DUSP14: variants seen among roughly 807,000 people sequenced by gnomAD.
The protein encoded by DUSP14 is dual specificity phosphatase 14, also known as dual specificity protein phosphatase 14.
DUSP14 carries 5 observed loss-of-function variants against 13.2 expected under a neutral mutation model. That is an observed-to-expected ratio of 0.38 (90% CI 0.20 to 0.80). DUSP14 has a LOEUF of 0.80. Ranked by LOEUF, DUSP14 falls within the 30% of genes least tolerant of loss-of-function variation. The pLI is 0.44. For missense variants in DUSP14, 185 were observed against 264.0 expected, an observed-to-expected ratio of 0.70 and a Z score of 2.07; for synonymous variants, 91 against 103.4, an observed-to-expected ratio of 0.88 and a Z score of 0.73.
At chr17:37,501,965 G>A (rs1220207806) in intron 1 of DUSP14, among the ~76,000 whole-genome samples, 1 of 152,008 alleles carries the variant, frequency 6.6e-6, no homozygotes, top group African/African-American at 2.4e-5. Context: ...CAGTTGTTTC[G>A]TTCACTCAAT....
intron 1 of DUSP14, among the ~76,000 whole-genome samples, chr17:37,499,841 T>C (rs1262302305): frequency 1.3e-5 from 2 of 152,268 alleles, no homozygotes; most frequent in Non-Finnish European, 2.9e-5. Context: ...AGAAATGTTT[T>C]ACTAATTAGT....
chr17:37,501,223 C>T (rs1042939490), intron 1 of DUSP14, among the ~76,000 whole-genome samples: 3 of 152,198 alleles, frequency 2.0e-5, no homozygotes, highest in Non-Finnish European at 4.4e-5. Context: ...TGCCACAGGT[C>T]AGATGGGGCA....
In DUSP14 at chr17:37,513,068, A is replaced by T. The variant is rs1356471474; in HGVS notation, c.*199A>T. On this transcript the variant is annotated 3_prime_UTR_variant, in exon 3 of 3. Transcript: ENST00000617516. ...TGCATACATTGCTAGTCACATTTTTAAAATTAACATTTTGGAATAGTGTTT... is the reference window on the plus strand; with the variant it reads ...TGCATACATTGCTAGTCACATTTTTTAAATTAACATTTTGGAATAGTGTTT... 3.6e-6 allele frequency: 2 copies of T among 555,254 alleles called. No homozygotes were observed. Among genetic ancestry groups the T allele is most frequent in the Non-Finnish European group, 6.5e-6 (2 of 307,824 alleles). 34.4% of individuals were successfully genotyped at this position (555,254 alleles called of 1,614,324 possible).
At position 37,511,927 on chromosome 17, in the gene DUSP14, C is replaced by A. The variant is rs1332128636; in HGVS notation, c.-92-254C>A. ...TGAGCCACCATGCCCAGCCACCCCCCCCCCACCCCACTTTTTTTTTTTTTT... is the reference window on the plus strand; with the variant it reads ...TGAGCCACCATGCCCAGCCACCCCCACCCCACCCCACTTTTTTTTTTTTTT... On this transcript the variant is annotated intron_variant, in intron 2 of 2. Coordinates refer to ENST00000617516, the MANE Select transcript of DUSP14 (RefSeq NM_007026.4). Among the ~76,000 whole-genome samples, 9 of 54,630 alleles carry A rather than the reference C, an allele frequency of 1.6e-4. 1 individual carries two copies. The highest frequency in any genetic ancestry group is 5.0e-4 in the African/African-American group (8 of 15,862). The allele number at this position is 54,630 out of a possible 152,430, so 35.8% of individuals were successfully genotyped here.
intron 2 of DUSP14, 101 bp downstream of exon 2, chr17:37,510,865 G>A (rs1452611457): frequency 6.6e-6 from 1 of 152,020 alleles, no homozygotes; most frequent in African/African-American, 2.4e-5. Flanking sequence ...TGTGTGGGCA[G>A]GCGCACTTGC....
intron 2 of DUSP14, among the ~76,000 whole-genome samples, chr17:37,511,918 G>GC (rs1338286034): frequency 2.8e-4 from 13 of 46,098 alleles, no homozygotes; most frequent in South Asian, 6.5e-4. Context: ...ACCATGCCCA[G>GC]CCACCCCCCC....
At chr17:37,489,241 G>A (rs2054008350), upstream of DUSP14, among the ~76,000 whole-genome samples, 1 of 152,122 alleles carries the variant, frequency 6.6e-6, no homozygotes, top group Admixed American at 6.5e-5. Flanking sequence ...TCGGGAGGTG[G>A]GTGTGGGCTC....
intron 1 of DUSP14, among the ~76,000 whole-genome samples, chr17:37,506,254 G>A (rs1033987473): frequency 1.3e-5 from 2 of 151,784 alleles, no homozygotes; most frequent in African/African-American, 2.4e-5. Context: ...GACAGAGAGA[G>A]ACTCCATCTC....
intron 1 of DUSP14, among the ~76,000 whole-genome samples, chr17:37,503,571 C>T (rs2054118946): frequency 6.6e-6 from 1 of 152,214 alleles, no homozygotes; most frequent in African/African-American, 2.4e-5. Flanking sequence ...CAGTGAAAGA[C>T]TGTTGTGTAA....
chr17:37,489,316 C>T (rs1292149839), upstream of DUSP14, among the ~76,000 whole-genome samples: 1 of 152,056 alleles, frequency 6.6e-6, no homozygotes, highest in African/African-American at 2.4e-5. Context: ...GTTGCATGTT[C>T]ACCTCCGGGT....
In DUSP14 at chr17:37,512,334, A is replaced by C; in HGVS notation, c.62A>C (p.Glu21Ala). 1 of 1,613,970 alleles carries C rather than the reference A, an allele frequency of 6.2e-7. No individual in the cohort carries two copies. Among genetic ancestry groups the C allele is most frequent in the South Asian group, 1.1e-5 (1 of 91,070 alleles). Residue 21 changes from glutamate (E) to alanine (A), a missense_variant, in exon 3 of 3, where the codon GAG becomes GCG. Glu to Ala is a moderately radical substitution (Grantham distance 107, BLOSUM62 -1). Transcript: ENST00000617516. The surrounding 1 kb of genome is among the most constrained non-coding windows in gnomAD (Gnocchi z 4.8). Reference protein sequence around the residue: ...RTLMAPRMISEGDIGGIAQIT... With the variant: ...RTLMAPRMISAGDIGGIAQIT... ...CTCATGGCCCCTCGGATGATTTCCG[A>C]GGGAGACATAGGAGGCATTGCTCAA... is the stretch of plus-strand genomic sequence containing the variant.
At chr17:37,492,956 T>C (rs908587749) in intron 1 of DUSP14, among the ~76,000 whole-genome samples, 1 of 152,208 alleles carries the variant, frequency 6.6e-6, no homozygotes, top group Admixed American at 6.5e-5. Context: ...AAACTAAAAG[T>C]AGATACTCTT....
intron 1 of DUSP14, among the ~76,000 whole-genome samples, chr17:37,500,946 C>T (rs1463450838): frequency 6.6e-6 from 1 of 152,168 alleles, no homozygotes; most frequent in Non-Finnish European, 1.5e-5. Flanking sequence ...CCCTCCCCGC[C>T]CCAGCCAGTG....
rs2054014310 is a variant in DUSP14 at position 37,489,910 on chromosome 17, CAGG to C, written c.-224_-222del. On this transcript the variant is annotated 5_prime_UTR_variant, in exon 1 of 3. Coordinates refer to ENST00000617516, the MANE Select transcript of DUSP14 (RefSeq NM_007026.4). ...CAGCCCGCAGAAGCCGGTGGCCGCGCAGGAGGACGGAGCCCTAACCGCAACCCG... is the reference window on the plus strand; with the variant it reads ...CAGCCCGCAGAAGCCGGTGGCCGCGCAGGACGGAGCCCTAACCGCAACCCG... 6.9e-6 allele frequency: 1 copy of C among 145,152 alleles called. No individual in the cohort carries two copies. Among genetic ancestry groups the C allele is most frequent in the Non-Finnish European group, 1.5e-5 (1 of 65,828 alleles). The allele number at this position is 145,152 out of a possible 1,614,324, so 9.0% of individuals were successfully genotyped here. A position where few individuals can be genotyped will look rare whatever the true frequency, so the allele number is the denominator to read the frequency against.
At chr17:37,497,337 T>TTCACTGTG (rs1282600406) in intron 1 of DUSP14, among the ~76,000 whole-genome samples, 1 of 152,126 alleles carries the variant, frequency 6.6e-6, no homozygotes, top group African/African-American at 2.4e-5. Context: ...GAGATGGGGT[T>TTCACTGTG]TCACTGTGTT....
rs559116763 is a variant in DUSP14, at chr17:37,507,956, C to T, written c.-180-2721C>T. Among the ~76,000 whole-genome samples, 11 of 152,354 alleles carry T rather than the reference C, an allele frequency of 7.2e-5. 1 individual carries two copies. The South Asian group carries it at 2.3e-3, about 32-fold the overall frequency. On this transcript the variant is annotated intron_variant, in intron 1 of 2. Transcript: ENST00000617516. ...CTGCTCTGCTGTAGGAAAGGATGTT[C>T]TCAGAGTTTCTGCCCTGTTCATAGT...
Position 37,509,166 on chromosome 17 carries a change from CACTCTA to C in DUSP14, c.-180-1510_-180-1505del, listed in dbSNP as rs1379168758. Among the ~76,000 whole-genome samples, 190 of 49,486 alleles carry C rather than the reference CACTCTA, an allele frequency of 3.8e-3. 10 individuals are homozygous for C. Among genetic ancestry groups the C allele is most frequent in the South Asian group, 5.2e-3 (8 of 1,532 alleles). 32.5% of individuals were successfully genotyped at this position (49,486 alleles called of 152,430 possible). A position where few individuals can be genotyped will look rare whatever the true frequency, so the allele number is the denominator to read the frequency against. ...ACACACACACACACACACACACACACACTCTATATATATATGTACTATGTATATGTG... is the reference window on the plus strand; with the variant it reads ...ACACACACACACACACACACACACACTATATATATGTACTATGTATATGTG... On this transcript the variant is annotated intron_variant, in intron 1 of 2. Coordinates refer to ENST00000617516, the MANE Select transcript of DUSP14 (RefSeq NM_007026.4).
intron 1 of DUSP14, among the ~76,000 whole-genome samples, chr17:37,506,873 G>C (rs2054141330): frequency 1.3e-5 from 2 of 152,118 alleles, no homozygotes. Context: ...GGAGCAGCTC[G>C]GCCCATCTGG....
rs559979588 is a variant in DUSP14, at chr17:37,512,644, G to A, written c.372G>A (p.Ala124=). Residue 124 remains alanine (A), a synonymous_variant, in exon 3 of 3, where the codon GCG becomes GCA. Transcript: ENST00000617516. This position sits in a 1 kb window ranked among gnomAD's most constrained non-coding sequence, Gnocchi z 4.8. ...GVSRSATLCI[A]YLMKFHNVCL... ...GCCGCTCAGCCACGCTGTGTATCGC[G>A]TACCTGATGAAATTCCACAACGTGT... The A allele has an allele frequency of 4.2e-5, 67 of 1,613,604 alleles. No homozygotes were observed. The South Asian group carries it at 7.0e-4, about 17-fold the overall frequency.
Sources: allele counts gnomAD v4.1 joint callset (sites outside exome capture counted in the v4.1 genomes callset), GRCh38; gene constraint gnomAD v4.1.1; non-coding constraint Gnocchi (gnomAD v3.1); transcripts MANE v1.5; gene names NCBI Gene and HGNC (gene_info 2026-07-23, HGNC 2026-07-21).